Variants in RBFOX1 observed in about 807,000 individuals in gnomAD.
The protein encoded by RBFOX1 is RNA binding protein fox-1 homolog 1.
RBFOX1 carries 8 observed loss-of-function variants against 57.7 expected under a neutral mutation model. The ratio of observed to expected loss-of-function variants is 0.14; its 90% CI spans 0.08 to 0.25. The LOEUF (loss-of-function observed/expected upper bound fraction) is 0.25, where lower values mean the gene tolerates loss of function less well. RBFOX1 is among the 10% of genes least tolerant of loss of function. The probability of loss-of-function intolerance (pLI) is 1.00; values close to 1 mark genes in which losing one functional copy is unlikely to be tolerated. For synonymous variants in RBFOX1, 326 were observed against 222.4 expected (o/e 1.47, Z -4.15); for missense variants, 611 against 548.5 (o/e 1.11, Z -1.14).
At chr16:5,621,855 C>T (rs150088616) in intron 3 of RBFOX1, among the ~76,000 whole-genome samples, 125 of 152,240 alleles carry the variant, frequency 8.2e-4, no homozygotes, top group African/African-American at 2.8e-3. Context: ...CCCAAGCCTT[C>T]GTGTTTCAAT....
chr16:6,957,693 A>G (rs1395968696), intron 3 of RBFOX1, among the ~76,000 whole-genome samples: 2 of 152,076 alleles, frequency 1.3e-5, no homozygotes, highest in African/African-American at 4.8e-5. Flanking sequence ...CCTCAGGGGA[A>G]AGTAGCCCAG....
chr16:6,866,539 C>CTCTTTTTTTTTTTTTTT (rs1161474639), intron 3 of RBFOX1, among the ~76,000 whole-genome samples: 1 of 49,090 alleles, frequency 2.0e-5, no homozygotes, highest in African/African-American at 1.2e-4. Context: ...TTCTTTCCTT[C>CTCTTTTTTTTTTTTTTT]TATTTTTTTT....
At chr16:7,365,281 C>T (rs1287870989) in intron 4 of RBFOX1, among the ~76,000 whole-genome samples, 4 of 152,140 alleles carry the variant, frequency 2.6e-5, no homozygotes, top group Non-Finnish European at 4.4e-5. Flanking sequence ...TGTAAAGGAC[C>T]TTGCCACTTA....
At position 6,987,545 on chromosome 16, in the gene RBFOX1, G is replaced by A. The variant is rs371152265; in HGVS notation, c.-15-64512G>A. ...ACATTGCAAACATAATCATATACACGGGCACATCTATACATAAGCATAGGT... is the reference window on the plus strand; with the variant it reads ...ACATTGCAAACATAATCATATACACAGGCACATCTATACATAAGCATAGGT... On this transcript the variant is annotated intron_variant, in intron 3 of 15. Transcript: ENST00000550418. Among the ~76,000 whole-genome samples the A allele has an allele frequency of 5.0e-4, 74 of 148,162 alleles. 1 individual carries two copies. In the East Asian group the frequency reaches 9.3e-3, roughly 19 times the overall value.
At chr16:7,268,762 A>G (rs2153103156) in intron 4 of RBFOX1, among the ~76,000 whole-genome samples, 1 of 152,234 alleles carries the variant, frequency 6.6e-6, no homozygotes, top group South Asian at 2.1e-4. Context: ...GGCTGGGCAC[A>G]GTGGCTCACG....
intron 1 of RBFOX1, among the ~76,000 whole-genome samples, chr16:6,155,404 T>C (rs940843143): frequency 1.3e-5 from 2 of 152,198 alleles, no homozygotes; most frequent in South Asian, 2.1e-4. Flanking sequence ...AGAAGGGCCA[T>C]CTGCTGAGTA....
intron 2 of RBFOX1, among the ~76,000 whole-genome samples, chr16:6,403,676 C>T (rs952645891): frequency 6.6e-6 from 1 of 152,002 alleles, no homozygotes; most frequent in African/African-American, 2.4e-5. Context: ...TCTGATGAGC[C>T]CAATATATTT....
chr16:6,894,258 C>A (rs111903817), intron 3 of RBFOX1, among the ~76,000 whole-genome samples: 3 of 152,172 alleles, frequency 2.0e-5, no homozygotes, highest in Admixed American at 6.5e-5. Flanking sequence ...TTGGTCATTT[C>A]AGCACAGTTT....
chr16:7,038,678 A>G (rs1439911441), intron 3 of RBFOX1, among the ~76,000 whole-genome samples: 3 of 152,228 alleles, frequency 2.0e-5, no homozygotes, highest in East Asian at 3.9e-4. Context: ...ACGAGACTGC[A>G]TTCTTGCAGA....
At chr16:7,176,360 C>G (rs1290238510) in intron 4 of RBFOX1, among the ~76,000 whole-genome samples, 1 of 151,894 alleles carries the variant, frequency 6.6e-6, no homozygotes, top group Non-Finnish European at 1.5e-5. Flanking sequence ...GGAAGAATGC[C>G]TGGCATATAG....
chr16:7,360,555 C>A (rs538753218), intron 4 of RBFOX1, among the ~76,000 whole-genome samples: 6 of 152,280 alleles, frequency 3.9e-5, no homozygotes, highest in South Asian at 2.1e-4. Flanking sequence ...GCCTGAGGAC[C>A]AAGCCTGTGC....
intron 4 of RBFOX1, among the ~76,000 whole-genome samples, chr16:7,506,584 C>T (rs867218018): frequency 6.6e-6 from 1 of 151,326 alleles, no homozygotes; most frequent in Non-Finnish European, 1.5e-5. Flanking sequence ...TCACCTTCAT[C>T]ATCATCATCA....
At chr16:7,601,431 T>A (rs2095018587) in intron 9 of RBFOX1, among the ~76,000 whole-genome samples, 1 of 152,228 alleles carries the variant, frequency 6.6e-6, no homozygotes, top group Admixed American at 6.5e-5. Flanking sequence ...TAAGTCATCA[T>A]ATTATTCCTT....
intron 2 of RBFOX1, among the ~76,000 whole-genome samples, chr16:5,480,397 A>G (rs972640231): frequency 6.6e-6 from 1 of 152,124 alleles, no homozygotes; most frequent in Non-Finnish European, 1.5e-5. Flanking sequence ...AAAACCCAAC[A>G]ACACAATTTA....
chr16:7,659,996 C>A (rs1018064814), intron 12 of RBFOX1, among the ~76,000 whole-genome samples: 1 of 152,108 alleles, frequency 6.6e-6, no homozygotes, highest in African/African-American at 2.4e-5. Context: ...TAAAAAATAG[C>A]GGTATTTGAA....
rs773850324 is a variant in RBFOX1 at position 7,518,344 on chromosome 16, G to C, written c.225G>C (p.Gln75His). The C allele has an allele frequency of 8.1e-6, 13 of 1,613,586 alleles. No individual in the cohort carries two copies. The highest frequency in any genetic ancestry group is 1.0e-5 in the Non-Finnish European group (12 of 1,179,792). The stretch of plus-strand genomic sequence containing the variant: ...CTCCCGCCCAGACGCACTCCGAGCA[G>C]AGCCCGGCGGACACGAGCGCTCAGA... ...LYPPAQTHSE[Q>H]SPADTSAQTV... is the part of the protein sequence containing the mutation. Residue 75 changes from glutamine to histidine, a missense_variant, in exon 5 of 16, where the codon CAG (glutamine) becomes CAC (histidine). Around this residue, in one of 3 missense-constraint regions of RBFOX1, gnomAD observed 245 missense variants for 159.1 expected, o/e 1.54. Transcript: ENST00000550418.
At position 7,270,169 on chromosome 16, in the gene RBFOX1, C is replaced by G. The variant is rs1008295484; in HGVS notation, c.27+218071C>G. On this transcript the variant is annotated intron_variant, in intron 4 of 15. Coordinates refer to ENST00000550418, the MANE Select transcript of RBFOX1 (RefSeq NM_018723.4). Reference sequence around the variant, plus strand: ...AGTGTAGGCAATGGGAACCTTGAGTCTGAGCCTTAGCCAGGGCTCTGTTCC... The same window carrying G: ...AGTGTAGGCAATGGGAACCTTGAGTGTGAGCCTTAGCCAGGGCTCTGTTCC... Among the ~76,000 whole-genome samples, 8 of 152,216 alleles carry G rather than the reference C, an allele frequency of 5.3e-5. No individual in the cohort carries two copies. In the East Asian group the frequency reaches 7.7e-4, roughly 15 times the overall value.
intron 1 of RBFOX1, among the ~76,000 whole-genome samples, chr16:5,257,839 A>AT (rs1293606259): frequency 2.6e-5 from 4 of 151,726 alleles, no homozygotes; most frequent in Non-Finnish European, 4.4e-5. Flanking sequence ...CAAAAAAATC[A>AT]TTTTTTTGGG....
At chr16:5,418,330 C>T (rs77809822) in intron 1 of RBFOX1, among the ~76,000 whole-genome samples, 2,484 of 151,918 alleles carry the variant, frequency 0.016, 82 homozygotes, top group African/African-American at 0.057. Context: ...GGGGGCATCT[C>T]GGTGGGAGGC....
Sources: allele counts gnomAD v4.1 joint callset (sites outside exome capture counted in the v4.1 genomes callset), GRCh38; gene constraint gnomAD v4.1.1; regional missense constraint gnomAD v4.1.1; transcripts MANE v1.5; gene names NCBI Gene and HGNC (gene_info 2026-07-23, HGNC 2026-07-21).